The following RNLS variants were observed in gnomAD, a reference collection of about 807,000 sequenced individuals.
RNLS encodes the protein renalase, FAD dependent amine oxidase.
Under a neutral mutation model 39.8 loss-of-function variants are expected in RNLS, and 39 were observed. That is an observed-to-expected ratio of 0.98 (90% CI 0.76 to 1.28). The LOEUF (loss-of-function observed/expected upper bound fraction) is 1.28. Among genes scored for constraint, RNLS ranks in the 50% most tolerant of loss-of-function variants. The pLI, the probability that RNLS is intolerant of heterozygous loss-of-function variation, is 0.00. For missense variants in RNLS, 410 were observed against 413.3 expected (o/e 0.99, Z 0.07); for synonymous variants, 147 against 150.7 (o/e 0.98, Z 0.18).
intron 4 of RNLS, among the ~76,000 whole-genome samples, chr10:88,420,809 C>G (rs967399439): frequency 6.6e-6 from 1 of 152,204 alleles, no homozygotes; most frequent in Non-Finnish European, 1.5e-5. Context: ...GGCGCTAATG[C>G]TATGTTTGAA....
chr10:88,491,163 G>C (rs10887827), intron 4 of RNLS, among the ~76,000 whole-genome samples: 53,515 of 151,824 alleles, frequency 0.35, 10,946 homozygotes, highest in African/African-American at 0.56. Flanking sequence ...AACACTGCTA[G>C]TGCTAGTGGT....
At chr10:88,355,656 G>T in intron 5 of RNLS, among the ~76,000 whole-genome samples, 1 of 152,188 alleles carries the variant, frequency 6.6e-6, no homozygotes, top group East Asian at 1.9e-4. Context: ...CTACTCGGGG[G>T]TCAGGGGCCC....
At chr10:88,442,129 T>A (rs1038492109) in intron 4 of RNLS, among the ~76,000 whole-genome samples, 1 of 152,214 alleles carries the variant, frequency 6.6e-6, no homozygotes, top group Admixed American at 6.5e-5. Flanking sequence ...TTCAATCACA[T>A]GATATATAAA....
At chr10:88,391,165 T>C (rs1429533776) in intron 4 of RNLS, among the ~76,000 whole-genome samples, 1 of 152,220 alleles carries the variant, frequency 6.6e-6, no homozygotes, top group South Asian at 2.1e-4. Context: ...TCTGATTATG[T>C]CTTCCAGTGT....
At chr10:88,475,755 C>T (rs1049695151) in intron 4 of RNLS, among the ~76,000 whole-genome samples, 1 of 151,862 alleles carries the variant, frequency 6.6e-6, no homozygotes, top group Non-Finnish European at 1.5e-5. Flanking sequence ...TTTGGTCAGC[C>T]TTTTAAAATT....
the RNLS span, among the ~76,000 whole-genome samples, chr10:88,251,731 T>C: frequency 6.6e-6 from 1 of 152,258 alleles, no homozygotes; most frequent in Non-Finnish European, 1.5e-5. Context: ...CATTTTAGTA[T>C]TTAATACCTT....
At chr10:88,344,167 T>C (rs1848157803) in intron 5 of RNLS, among the ~76,000 whole-genome samples, 1 of 152,224 alleles carries the variant, frequency 6.6e-6, no homozygotes, top group South Asian at 2.1e-4. Flanking sequence ...TATCACTTTA[T>C]CACTGCAGTT....
the RNLS span, among the ~76,000 whole-genome samples, chr10:88,238,902 G>A: frequency 6.6e-6 from 1 of 152,182 alleles, no homozygotes; most frequent in Non-Finnish European, 1.5e-5. Context: ...CTAATACACA[G>A]TTGAAGGAAG....
intron 4 of RNLS, among the ~76,000 whole-genome samples, chr10:88,552,153 G>A (rs1848634448): frequency 6.6e-6 from 1 of 152,138 alleles, no homozygotes; most frequent in African/African-American, 2.4e-5. Flanking sequence ...TTACACAGAA[G>A]AGGAATCAGA....
Position 88,582,326 on chromosome 10 carries a change from A to G in RNLS, c.119-19T>C, listed in dbSNP as rs1381834776. On this transcript the variant is annotated intron_variant, in intron 1 of 6. Coordinates refer to ENST00000331772, the MANE Select transcript of RNLS (RefSeq NM_001031709.3). ...CTTCCCCCTTGAATTAATCCACAGG[A>G]AAATGTCTTACTGCATGACAATGAG... 1 of 1,593,498 alleles carries G rather than the reference A, an allele frequency of 6.3e-7. No homozygotes were observed. Among genetic ancestry groups the G allele is most frequent in the Non-Finnish European group, 8.6e-7 (1 of 1,164,022 alleles).
chr10:88,555,902 A>G (rs909791802), intron 4 of RNLS, among the ~76,000 whole-genome samples: 3 of 152,074 alleles, frequency 2.0e-5, no homozygotes, highest in Admixed American at 1.3e-4. Flanking sequence ...TCTGGGTTCA[A>G]TCTTGGACCT....
chr10:88,527,247 C>A (rs994901450), intron 4 of RNLS, among the ~76,000 whole-genome samples: 1 of 152,174 alleles, frequency 6.6e-6, no homozygotes, highest in African/African-American at 2.4e-5. Flanking sequence ...ACACCAGCAA[C>A]CTTCCCCATC....
At chr10:88,437,313 C>A (rs1003463126) in intron 4 of RNLS, among the ~76,000 whole-genome samples, 2 of 152,144 alleles carry the variant, frequency 1.3e-5, no homozygotes, top group South Asian at 4.2e-4. Context: ...GAAAAGATAT[C>A]AATAAAAGAT....
intron 4 of RNLS, among the ~76,000 whole-genome samples, chr10:88,480,532 C>T (rs2437877): frequency 0.47 from 71,928 of 152,106 alleles, 17,796 homozygotes; most frequent in East Asian, 0.57. Context: ...AGCGATTCTC[C>T]TGCCTCAGCC....
At chr10:88,333,424 C>G (rs1847258716) in intron 5 of RNLS, among the ~76,000 whole-genome samples, 1 of 152,144 alleles carries the variant, frequency 6.6e-6, no homozygotes, top group African/African-American at 2.4e-5. Context: ...TCTTAATACC[C>G]TTCCTGAAAT....
At chr10:88,354,430 A>G (rs1848981909) in intron 5 of RNLS, among the ~76,000 whole-genome samples, 1 of 152,136 alleles carries the variant, frequency 6.6e-6, no homozygotes, top group African/African-American at 2.4e-5. Flanking sequence ...AAAATCTCTC[A>G]GCATTTGCTT....
intron 6 of RNLS, among the ~76,000 whole-genome samples, chr10:88,287,390 G>A (rs1843343764): frequency 1.3e-5 from 2 of 152,104 alleles, no homozygotes; most frequent in Admixed American, 6.6e-5. Context: ...AGTCACTGAA[G>A]CACAGACTTG....
chr10:88,524,981 A>G (rs983420209), intron 4 of RNLS, among the ~76,000 whole-genome samples: 2 of 134,768 alleles, frequency 1.5e-5, no homozygotes, highest in Non-Finnish European at 3.2e-5. Flanking sequence ...ATATATATAT[A>G]TATATATATA....
the RNLS span, among the ~76,000 whole-genome samples, chr10:88,256,960 A>C: frequency 6.6e-6 from 1 of 152,178 alleles, no homozygotes; most frequent in Non-Finnish European, 1.5e-5. Flanking sequence ...GGCTTGTTTC[A>C]AGACTCAGAC....
Sources: gnomAD v4.1 joint callset for allele counts (sites outside exome capture counted in the v4.1 genomes callset) on GRCh38, gnomAD v4.1.1 for gene constraint, MANE v1.5 for transcripts, NCBI Gene and HGNC (gene_info 2026-07-23, HGNC 2026-07-21) for gene names.